Variants in EFCAB7 observed in about 807,000 individuals in gnomAD.
EFCAB7 encodes EF-hand calcium binding domain 7.
In EFCAB7, 66 loss-of-function variants were observed where a neutral mutation model predicts 77.1. The observed-to-expected ratio is 0.86, with a 90% CI of 0.70 to 1.05. The LOEUF is 1.05. Ranked by LOEUF, EFCAB7 falls within the 50% of genes least tolerant of loss-of-function variation. The pLI, the probability that EFCAB7 is intolerant of heterozygous loss-of-function variation, is 0.00. For synonymous variants in EFCAB7, 225 were observed against 243.3 expected, an observed-to-expected ratio of 0.92 and a Z score of 0.70; for missense variants, 638 against 730.5, an observed-to-expected ratio of 0.87 and a Z score of 1.46.
chr1:63,572,229 T>G (rs1208124677), intron 13 of EFCAB7, among the ~76,000 whole-genome samples: 2 of 152,226 alleles, frequency 1.3e-5, no homozygotes, highest in African/African-American at 2.4e-5. Context: ...ACACACCAAC[T>G]GACAGCTACT....
intron 9 of EFCAB7, among the ~76,000 whole-genome samples, chr1:63,556,619 T>C (rs1647033425): frequency 6.6e-6 from 1 of 152,026 alleles, no homozygotes; most frequent in African/African-American, 2.4e-5. Context: ...GAAGCTTTTT[T>C]ATCTCATGTA....
the EFCAB7 span, among the ~76,000 whole-genome samples, chr1:63,585,287 A>G: frequency 6.6e-6 from 1 of 152,004 alleles, no homozygotes; most frequent in South Asian, 2.1e-4. Flanking sequence ...ATTTATGTGC[A>G]TAGAATTTTT....
At chr1:63,584,606 C>T in the EFCAB7 span, among the ~76,000 whole-genome samples, 2 of 152,160 alleles carry the variant, frequency 1.3e-5, no homozygotes, top group African/African-American at 4.8e-5. Context: ...GTGCCTGCCT[C>T]TTCTGCTTCT....
At position 63,567,171 on chromosome 1, in the gene EFCAB7, G is replaced by A. The variant is rs150119877; in HGVS notation, c.1498-1139G>A. Among the ~76,000 whole-genome samples, 87 of 152,142 alleles carry A rather than the reference G, an allele frequency of 5.7e-4. 2 individuals carry two copies. The East Asian group carries it at 0.01, about 18-fold the overall frequency. The stretch of plus-strand genomic sequence containing the variant: ...TAATTAATTAAAATAAAATTATATC[G>A]GCCAGGTGCAGTGGCTCACGCCTGT... On this transcript the variant is annotated intron_variant, in intron 11 of 13. Coordinates refer to ENST00000371088, the MANE Select transcript of EFCAB7 (RefSeq NM_032437.4).
intron 12 of EFCAB7, 159 bp from the exon 13 acceptor site, chr1:63,570,862 T>G (rs1647236045): frequency 2.3e-6 from 1 of 440,970 alleles, no homozygotes; most frequent in Non-Finnish European, 4.1e-6. Flanking sequence ...AGAAAATCAA[T>G]GAGAAAAAGT....
At chr1:63,575,669 G>T (rs1167046913), downstream of EFCAB7, among the ~76,000 whole-genome samples, 1 of 151,974 alleles carries the variant, frequency 6.6e-6, no homozygotes, top group African/African-American at 2.4e-5. Context: ...CTGCAGCCTT[G>T]TTTTTCTGGG....
rs1320103997 is a variant in EFCAB7 at position 63,531,826 on chromosome 1, A to AGCAT, written c.198_201dup (p.Gly68CysfsTer11). On this transcript the variant is annotated frameshift_variant, in exon 3 of 14. Coordinates refer to ENST00000371088, the MANE Select transcript of EFCAB7 (RefSeq NM_032437.4). LOFTEE classifies it high-confidence loss of function. Reference sequence around the variant, plus strand: ...TACTTGTCTTGTTGGGCAGCTCTTCAGCATGCAGGAAGAAATCCATCCCAA... The same window carrying AGCAT: ...TACTTGTCTTGTTGGGCAGCTCTTCAGCATGCATGCAGGAAGAAATCCATCCCAA... 1 of 1,611,134 alleles carries AGCAT rather than the reference A, an allele frequency of 6.2e-7. No homozygotes were observed.
At chr1:63,554,735 C>T (rs1012029210) in intron 8 of EFCAB7, among the ~76,000 whole-genome samples, 2 of 152,178 alleles carry the variant, frequency 1.3e-5, no homozygotes, top group Admixed American at 1.3e-4. Context: ...AACAGAATTT[C>T]ATATAAAGCT....
downstream of EFCAB7, among the ~76,000 whole-genome samples, chr1:63,575,420 G>A (rs1647384377): frequency 6.6e-6 from 1 of 151,972 alleles, no homozygotes; most frequent in Non-Finnish European, 1.5e-5. Flanking sequence ...CAAGAAAATG[G>A]ATGTGTATTT....
the EFCAB7 span, among the ~76,000 whole-genome samples, chr1:63,579,235 A>G: frequency 6.6e-6 from 1 of 152,194 alleles, no homozygotes; most frequent in Non-Finnish European, 1.5e-5. Context: ...ACCCCTGTGC[A>G]TACTCCTATC....
chr1:63,579,968 C>T, the EFCAB7 span, among the ~76,000 whole-genome samples: 115,338 of 152,144 alleles, frequency 0.76, 44,324 homozygotes, highest in African/African-American at 0.87. Context: ...TCTGGATATG[C>T]CTTTTATTGG....
At chr1:63,541,920 A>G (rs1167563239) in intron 6 of EFCAB7, among the ~76,000 whole-genome samples, 2 of 152,210 alleles carry the variant, frequency 1.3e-5, no homozygotes, top group Non-Finnish European at 2.9e-5. Flanking sequence ...ATTGCATAGC[A>G]AAATGGTTTT....
chr1:63,562,649 G>A (rs1008431622), intron 11 of EFCAB7, among the ~76,000 whole-genome samples: 2 of 148,792 alleles, frequency 1.3e-5, no homozygotes, highest in Non-Finnish European at 3.0e-5. Context: ...ACAGGTGCAT[G>A]CCCCCACGCC....
chr1:63,547,304 T>C (rs1646910501), intron 7 of EFCAB7: 1 of 152,184 alleles, frequency 6.6e-6, no homozygotes, highest in Admixed American at 6.5e-5. Context: ...GTTTAGGTGT[T>C]TAGGATACAT....
chr1:63,570,749 G>A (rs1647234245), intron 12 of EFCAB7: 2 of 222,986 alleles, frequency 9.0e-6, no homozygotes, highest in Admixed American at 5.7e-5. Flanking sequence ...ATGAAATAAT[G>A]TGACCCTAGT....
intron 1 of EFCAB7, among the ~76,000 whole-genome samples, chr1:63,524,235 ACTT>A (rs975203599): frequency 8.5e-5 from 13 of 152,228 alleles, no homozygotes; most frequent in African/African-American, 3.1e-4. Context: ...ATTCTCCCTT[ACTT>A]CTTGAAACAG....
intron 6 of EFCAB7, among the ~76,000 whole-genome samples, 158 bp from the exon 7 acceptor site, chr1:63,545,758 A>G (rs1004732589): frequency 6.6e-6 from 1 of 152,178 alleles, no homozygotes; most frequent in African/African-American, 2.4e-5. Context: ...GGATTTTGTT[A>G]TGTCTGTTTT....
chr1:63,524,132 C>T (rs1483313774), intron 1 of EFCAB7, among the ~76,000 whole-genome samples: 1 of 152,110 alleles, frequency 6.6e-6, no homozygotes, highest in African/African-American at 2.4e-5. Context: ...TTGGGATTTC[C>T]ATGTGAGGGA....
chr1:63,578,218 T>G, the EFCAB7 span, among the ~76,000 whole-genome samples: 6 of 152,180 alleles, frequency 3.9e-5, no homozygotes, highest in South Asian at 2.1e-4. Flanking sequence ...TAAGGTATTT[T>G]CTAATGTTTT....
Sources: allele counts gnomAD v4.1 joint callset (sites outside exome capture counted in the v4.1 genomes callset), GRCh38; gene constraint gnomAD v4.1.1; transcripts MANE v1.5; gene names NCBI Gene and HGNC (gene_info 2026-07-23, HGNC 2026-07-21).